Variants in CCDC170 observed in about 807,000 individuals in gnomAD.
CCDC170 encodes the protein coiled-coil domain-containing protein 170.
A neutral mutation model predicts 72.6 loss-of-function variants in CCDC170; 69 were observed. The observed-to-expected ratio is 0.95, with a 90% confidence interval of 0.78 to 1.16. The LOEUF (loss-of-function observed/expected upper bound fraction) is 1.16, where lower values mean the gene tolerates loss of function less well. Ranked by LOEUF, CCDC170 falls within the 50% of genes most tolerant of loss-of-function variation. The pLI is 0.00. For missense variants in CCDC170, 852 were observed against 832.5 expected, an observed-to-expected ratio of 1.02 and a Z score of -0.29; for synonymous variants, 300 against 303.9, an observed-to-expected ratio of 0.99 and a Z score of 0.13.
chr6:151,527,050 ATTTTTTTTTTTTT>A (rs56941290), intron 1 of CCDC170, among the ~76,000 whole-genome samples: 5 of 69,682 alleles, frequency 7.2e-5, no homozygotes, highest in Non-Finnish European at 1.4e-4. Flanking sequence ...ATGCTTAGCT[ATTTTTTTTTTTTT>A]TTTTTTTTTT....
chr6:151,552,405 C>T (rs1049255500), intron 5 of CCDC170, among the ~76,000 whole-genome samples: 11 of 152,048 alleles, frequency 7.2e-5, no homozygotes, highest in South Asian at 2.1e-4. Context: ...TGTTAGCATA[C>T]GCCGATTCTT....
In CCDC170 at chr6:151,596,373, A is replaced by G; in HGVS notation, c.1506A>G (p.Leu502=). The G allele has an allele frequency of 2.5e-6, 4 of 1,614,174 alleles. No homozygotes were observed. The highest frequency in any genetic ancestry group is 3.4e-6 in the Non-Finnish European group (4 of 1,180,024). ...AAGAGAGACTGGAGAGCAAAGAATT[A>G]CACATGAGCCTCCTCCGGCAGAAAA... ...TQKERLESKE[L]HMSLLRQKIA... is the part of the protein sequence containing the mutation. The change falls in exon 9 of 11, where the codon TTA becomes TTG. Residue 502 remains leucine (L), a synonymous_variant. Coordinates refer to ENST00000239374, the MANE Select transcript of CCDC170 (RefSeq NM_025059.4).
At chr6:151,610,722 C>T (rs949372785) in intron 9 of CCDC170, among the ~76,000 whole-genome samples, 2 of 152,192 alleles carry the variant, frequency 1.3e-5, no homozygotes, top group African/African-American at 4.8e-5. Context: ...GCAAGGTCAG[C>T]CCCTGTAGAC....
intron 1 of CCDC170, among the ~76,000 whole-genome samples, chr6:151,494,733 G>A (rs958617736): frequency 3.9e-5 from 6 of 152,036 alleles, no homozygotes; most frequent in South Asian, 2.1e-4. Flanking sequence ...ATGCGCGCGC[G>A]CACACACACA....
At chr6:151,534,314 C>T (rs1782541678) in intron 1 of CCDC170, among the ~76,000 whole-genome samples, 1 of 151,902 alleles carries the variant, frequency 6.6e-6, no homozygotes, top group African/African-American at 2.4e-5. Flanking sequence ...CTCATTTTCC[C>T]CAAACACTGG....
chr6:151,535,737 A>T (rs1174119691), intron 1 of CCDC170, among the ~76,000 whole-genome samples: 2 of 151,908 alleles, frequency 1.3e-5, no homozygotes, highest in Admixed American at 6.6e-5. Context: ...TGGAAGGAAA[A>T]TCTTTTTTTG....
chr6:151,508,581 C>T (rs1456223639), intron 1 of CCDC170, among the ~76,000 whole-genome samples: 3 of 151,552 alleles, frequency 2.0e-5, no homozygotes, highest in African/African-American at 4.9e-5. Context: ...GGAGTGGTAG[C>T]GTGTGCCTGT....
rs1777032342 is a variant in CCDC170 at position 151,619,897 on chromosome 6, A to G, written c.*1750A>G. ...CTTTCTTCTAGACTAAAAGAAATTA[A>G]AGAGATGAAACAATCAATTGCAAGG... On this transcript the variant is annotated 3_prime_UTR_variant, in exon 11 of 11. Coordinates refer to ENST00000239374, the MANE Select transcript of CCDC170 (RefSeq NM_025059.4). 6.6e-6 allele frequency: 1 copy of G among 152,208 alleles called. No homozygotes were observed. The highest frequency in any genetic ancestry group is 1.5e-5 in the Non-Finnish European group (1 of 68,040). The allele number at this position is 152,208 out of a possible 1,614,324, so 9.4% of individuals were successfully genotyped here. A position where few individuals can be genotyped will look rare whatever the true frequency, so the allele number is the denominator to read the frequency against.
chr6:151,520,480 T>C (rs528845276), intron 1 of CCDC170, among the ~76,000 whole-genome samples: 1 of 152,380 alleles, frequency 6.6e-6, no homozygotes, highest in East Asian at 1.9e-4. Flanking sequence ...GAAATAACTT[T>C]GGGAGGAATT....
chr6:151,530,001 C>T (rs767874403), intron 1 of CCDC170, among the ~76,000 whole-genome samples: 19 of 152,136 alleles, frequency 1.2e-4, no homozygotes, highest in Non-Finnish European at 2.1e-4. Context: ...CCCAGAATAA[C>T]AGCATCAACC....
At chr6:151,557,927 C>T (rs1261723816) in intron 5 of CCDC170, among the ~76,000 whole-genome samples, 5 of 152,086 alleles carry the variant, frequency 3.3e-5, no homozygotes, top group Non-Finnish European at 5.9e-5. Flanking sequence ...GGCCAAACTC[C>T]ATCTCTGCTG....
intron 1 of CCDC170, among the ~76,000 whole-genome samples, chr6:151,516,698 C>T (rs946039668): frequency 6.6e-6 from 1 of 152,142 alleles, no homozygotes; most frequent in Non-Finnish European, 1.5e-5. Context: ...AACTGGTCAG[C>T]TCTAGACTGT....
chr6:151,507,737 A>T (rs577412717), intron 1 of CCDC170, among the ~76,000 whole-genome samples: 2 of 152,212 alleles, frequency 1.3e-5, no homozygotes, highest in African/African-American at 4.8e-5. Context: ...CCTGGCCAAC[A>T]TGGTGAAACC....
At chr6:151,616,834 A>G (rs1226515904) in intron 10 of CCDC170, among the ~76,000 whole-genome samples, 3 of 152,162 alleles carry the variant, frequency 2.0e-5, no homozygotes, top group Non-Finnish European at 2.9e-5. Context: ...GGAGCAAGGC[A>G]GCTCTCCGGG....
chr6:151,514,708 T>A (rs1003646378), intron 1 of CCDC170, among the ~76,000 whole-genome samples: 1 of 152,134 alleles, frequency 6.6e-6, no homozygotes, highest in Non-Finnish European at 1.5e-5. Context: ...CGTGGGCAGC[T>A]TTGTAGGTGG....
intron 6 of CCDC170, among the ~76,000 whole-genome samples, chr6:151,576,507 G>A (rs774129305): frequency 1.3e-5 from 2 of 151,722 alleles, no homozygotes; most frequent in Non-Finnish European, 2.9e-5. Flanking sequence ...ATAATTATCA[G>A]CATGATGTAT....
chr6:151,589,179 T>TGA (rs1347498032), intron 7 of CCDC170, among the ~76,000 whole-genome samples: 1 of 152,066 alleles, frequency 6.6e-6, no homozygotes, highest in East Asian at 1.9e-4. Flanking sequence ...CGCTTGAATT[T>TGA]GAGAGGCAGA....
intron 6 of CCDC170, among the ~76,000 whole-genome samples, chr6:151,582,153 A>G (rs1449350080): frequency 6.6e-6 from 1 of 152,214 alleles, no homozygotes; most frequent in African/African-American, 2.4e-5. Context: ...CTCTTTAGCT[A>G]TGAAAGTCCT....
chr6:151,594,317 A>C lies in CCDC170; in HGVS notation c.1467+1037A>C, dbSNP rs555781373. Among the ~76,000 whole-genome samples, 145 of 152,290 alleles carry C rather than the reference A, an allele frequency of 9.5e-4. 1 individual carries two copies. The highest frequency in any genetic ancestry group is 3.4e-3 in the African/African-American group (141 of 41,562). ...TATACCTCTCTGTCTCTGTTTCCTC[A>C]TATTTAAGATGGGGATGCTATATAC... On this transcript the variant is annotated intron_variant, in intron 8 of 10. Transcript: ENST00000239374.
Sources: gnomAD v4.1 joint callset for allele counts (sites outside exome capture counted in the v4.1 genomes callset) on GRCh38, gnomAD v4.1.1 for gene constraint, MANE v1.5 for transcripts, NCBI Gene and HGNC (gene_info 2026-07-23, HGNC 2026-07-21) for gene names.